Variants in TYW1 observed in about 807,000 individuals in gnomAD.
The protein encoded by TYW1 is S-adenosyl-L-methionine-dependent tRNA 4-demethylwyosine synthase TYW1.
TYW1 carries 46 observed loss-of-function variants against 96.2 expected under a neutral mutation model. The ratio of observed to expected loss-of-function variants is 0.48; its 90% CI spans 0.38 to 0.61. The LOEUF (loss-of-function observed/expected upper bound fraction) is 0.61, where lower values mean the gene tolerates loss of function less well. Ranked by LOEUF, TYW1 falls within the 20% of genes least tolerant of loss-of-function variation. The pLI, the probability that TYW1 is intolerant of heterozygous loss-of-function variation, is 0.00. For synonymous variants in TYW1, 274 were observed against 323.0 expected (o/e 0.85, Z 1.63); for missense variants, 684 against 909.6 (o/e 0.75, Z 3.19).
intron 15 of TYW1, among the ~76,000 whole-genome samples, chr7:67,215,256 T>C (rs1801164859): frequency 6.6e-6 from 1 of 151,602 alleles, no homozygotes; most frequent in African/African-American, 2.4e-5. Flanking sequence ...TCACCTGCTG[T>C]AGACCCACAT....
chr7:67,022,019 T>A (rs1420945519), intron 6 of TYW1, among the ~76,000 whole-genome samples: 1 of 152,172 alleles, frequency 6.6e-6, no homozygotes, highest in Non-Finnish European at 1.5e-5. Context: ...CAAGTGATCC[T>A]CCTATCTCAG....
At chr7:67,137,070 CCCAA>C (rs1798286679) in intron 13 of TYW1, among the ~76,000 whole-genome samples, 1 of 144,350 alleles carries the variant, frequency 6.9e-6, no homozygotes, top group African/African-American at 2.7e-5. Flanking sequence ...ACCCTGGCCT[CCCAA>C]AGTTCTGGGA....
intron 14 of TYW1, among the ~76,000 whole-genome samples, chr7:67,187,310 C>T (rs530237879): frequency 2.0e-4 from 30 of 152,144 alleles, no homozygotes; most frequent in Non-Finnish European, 3.1e-4. Flanking sequence ...GTGATCCACC[C>T]GCCTTGGCCT....
At chr7:67,140,178 C>T (rs1798401934) in intron 13 of TYW1, among the ~76,000 whole-genome samples, 1 of 152,070 alleles carries the variant, frequency 6.6e-6, no homozygotes, top group African/African-American at 2.4e-5. Flanking sequence ...AAACACTTGC[C>T]CCATGATTCA....
At chr7:67,038,125 AC>A (rs200521419) in intron 7 of TYW1, among the ~76,000 whole-genome samples, 5,340 of 151,970 alleles carry the variant, frequency 0.035, 265 homozygotes, top group East Asian at 0.16. Context: ...ACATGGTGAA[AC>A]CCTGTCTCTA....
intron 12 of TYW1, among the ~76,000 whole-genome samples, chr7:67,099,173 C>T (rs1797013658): frequency 6.6e-6 from 1 of 151,940 alleles, no homozygotes; most frequent in African/African-American, 2.4e-5. Flanking sequence ...CTACAGGCGC[C>T]TGGCACCATG....
At chr7:67,208,143 T>C (rs73142680) in intron 15 of TYW1, among the ~76,000 whole-genome samples, 40,650 of 151,432 alleles carry the variant, frequency 0.27, 5,799 homozygotes, top group African/African-American at 0.36. Flanking sequence ...GCCTGGGCAA[T>C]GTAATGAAAC....
intron 13 of TYW1, among the ~76,000 whole-genome samples, chr7:67,151,595 A>G (rs1798801229): frequency 6.6e-6 from 1 of 152,132 alleles, no homozygotes; most frequent in African/African-American, 2.4e-5. Context: ...TATATCTACA[A>G]GCAGTAGCAG....
chr7:67,169,111 A>G (rs997436502), intron 13 of TYW1, among the ~76,000 whole-genome samples: 1 of 151,860 alleles, frequency 6.6e-6, no homozygotes, highest in Non-Finnish European at 1.5e-5. Context: ...TTCTTCTATT[A>G]ACTTCTGTTC....
At chr7:67,060,285 A>G (rs1795656791) in intron 9 of TYW1, among the ~76,000 whole-genome samples, 1 of 152,190 alleles carries the variant, frequency 6.6e-6, no homozygotes, top group Non-Finnish European at 1.5e-5. Flanking sequence ...CACGTTGGCC[A>G]GGCTGGTCTT....
chr7:67,186,755 A>G (rs1398828995), intron 14 of TYW1, among the ~76,000 whole-genome samples: 1 of 152,128 alleles, frequency 6.6e-6, no homozygotes, highest in Non-Finnish European at 1.5e-5. Flanking sequence ...AGCCTCCCAA[A>G]GTGCTGGGAT....
chr7:67,071,230 C>T (rs1584524309), intron 10 of TYW1, among the ~76,000 whole-genome samples: 1 of 151,914 alleles, frequency 6.6e-6, no homozygotes, highest in East Asian at 1.9e-4. Flanking sequence ...ATTGCTTGCT[C>T]TGGGTTTTGT....
intron 11 of TYW1, among the ~76,000 whole-genome samples, chr7:67,087,928 A>T (rs568594683): frequency 1.3e-5 from 2 of 152,198 alleles, no homozygotes; most frequent in East Asian, 3.9e-4. Context: ...CAGTGGCATG[A>T]TCTTGGCTCA....
At chr7:67,236,296 C>T (rs941010681) in intron 15 of TYW1, among the ~76,000 whole-genome samples, 4 of 152,182 alleles carry the variant, frequency 2.6e-5, no homozygotes, top group African/African-American at 9.7e-5. Flanking sequence ...ATTCTGCTGT[C>T]GGCACAGTCT....
intron 7 of TYW1, among the ~76,000 whole-genome samples, chr7:67,047,334 C>A (rs1795216369): frequency 6.6e-6 from 1 of 152,108 alleles, no homozygotes; most frequent in Non-Finnish European, 1.5e-5. Context: ...AGTTTGAGAC[C>A]AGCGTGGGCA....
chr7:67,021,979 T>C (rs1794294179), intron 6 of TYW1, among the ~76,000 whole-genome samples: 1 of 152,170 alleles, frequency 6.6e-6, no homozygotes, highest in African/African-American at 2.4e-5. Flanking sequence ...CAGTAGTGCA[T>C]AGCTCACTGC....
At chr7:67,105,297 G>A (rs1032400965) in intron 12 of TYW1, among the ~76,000 whole-genome samples, 4 of 152,186 alleles carry the variant, frequency 2.6e-5, no homozygotes, top group Non-Finnish European at 5.9e-5. Context: ...CACTTGTCAA[G>A]GAGTATAACC....
In TYW1 at chr7:67,007,159, T is replaced by G. The variant is rs193104822; in HGVS notation, c.274-2424T>G. Among the ~76,000 whole-genome samples, 40 of 152,068 alleles carry G rather than the reference T, an allele frequency of 2.6e-4. No individual in the cohort carries two copies. In the East Asian group the frequency reaches 6.4e-3, roughly 24 times the overall value. On this transcript the variant is annotated intron_variant, in intron 3 of 15. Transcript: ENST00000359626. ...TGTGGGCTAATTCTTTATTTGCATA[T>G]GGTATAACTCCACTGCAGCCTCTGA...
intron 13 of TYW1, among the ~76,000 whole-genome samples, chr7:67,128,904 G>A (rs535158314): frequency 1.3e-5 from 2 of 152,228 alleles, no homozygotes; most frequent in Non-Finnish European, 2.9e-5. Flanking sequence ...GGGCAGGCTA[G>A]TCTTGAACTC....
Sources: gnomAD v4.1 joint callset for allele counts (sites outside exome capture counted in the v4.1 genomes callset) on GRCh38, gnomAD v4.1.1 for gene constraint, MANE v1.5 for transcripts, NCBI Gene and HGNC (gene_info 2026-07-23, HGNC 2026-07-21) for gene names.